The following LRRC4C variants were observed in gnomAD, a reference collection of about 807,000 sequenced individuals.
The protein encoded by LRRC4C is leucine-rich repeat-containing protein 4C.
LRRC4C carries 5 observed loss-of-function variants against 33.6 expected under a neutral mutation model. The observed-to-expected ratio is 0.15, with a 90% CI of 0.08 to 0.31. The LOEUF is 0.31. LRRC4C is among the 10% of genes least tolerant of loss of function. LRRC4C has a pLI of 1.00. For synonymous variants in LRRC4C, 329 were observed against 302.0 expected, an observed-to-expected ratio of 1.09 and a Z score of -0.93; for missense variants, 560 against 796.7, an observed-to-expected ratio of 0.70 and a Z score of 3.58.
At chr11:40,724,785 T>C (rs569393339) in intron 2 of LRRC4C, among the ~76,000 whole-genome samples, 3 of 151,920 alleles carry the variant, frequency 2.0e-5, no homozygotes, top group Non-Finnish European at 4.4e-5. Context: ...CAAAAAATCA[T>C]GCAAAGAACT....
At chr11:40,466,397 G>C (rs540083579) in intron 3 of LRRC4C, among the ~76,000 whole-genome samples, 36 of 151,818 alleles carry the variant, frequency 2.4e-4, no homozygotes, top group African/African-American at 8.7e-4. Context: ...TACTTCCCTC[G>C]TAACCCCTAA....
At chr11:40,916,440 C>T (rs148298584) in intron 2 of LRRC4C, among the ~76,000 whole-genome samples, 6,669 of 152,056 alleles carry the variant, frequency 0.044, 313 homozygotes, top group East Asian at 0.23. Flanking sequence ...AGCAAACTAT[C>T]GCAAGGACAA....
At chr11:40,687,988 CT>C (rs60274681) in intron 2 of LRRC4C, among the ~76,000 whole-genome samples, 62,901 of 149,382 alleles carry the variant, frequency 0.42, 14,683 homozygotes, top group East Asian at 0.58. Flanking sequence ...GCTTTACAGA[CT>C]TTTTTTTTTT....
Position 40,834,191 on chromosome 11 carries a change from T to G in LRRC4C, c.-407+99444A>C, listed in dbSNP as rs368784682. On this transcript the variant is annotated intron_variant, in intron 2 of 6. Transcript: ENST00000528697. ...TACTTAAAATGAATCTAAAAAGTTTTGGCCAGGTGCGGTGGCTCATGCCTG... is the reference window on the plus strand; with the variant it reads ...TACTTAAAATGAATCTAAAAAGTTTGGGCCAGGTGCGGTGGCTCATGCCTG... 1.8e-4 allele frequency among the ~76,000 whole-genome samples: 28 copies of G among 152,238 alleles called. No homozygotes were observed. In the South Asian group the frequency reaches 5.2e-3, roughly 28 times the overall value.
At chr11:41,248,604 C>G (rs549040066) in intron 1 of LRRC4C, among the ~76,000 whole-genome samples, 2 of 152,120 alleles carry the variant, frequency 1.3e-5, no homozygotes, top group African/African-American at 4.8e-5. Flanking sequence ...TGGAATATCA[C>G]AGGAACCACC....
intron 1 of LRRC4C, among the ~76,000 whole-genome samples, chr11:41,047,009 T>A (rs1280127548): frequency 6.6e-6 from 1 of 152,078 alleles, no homozygotes; most frequent in Non-Finnish European, 1.5e-5. Flanking sequence ...AAAAAATAAA[T>A]TAATTAGGCT....
chr11:41,030,130 G>GA (rs1245619641), intron 1 of LRRC4C, among the ~76,000 whole-genome samples: 2 of 151,880 alleles, frequency 1.3e-5, no homozygotes, highest in African/African-American at 4.8e-5. Flanking sequence ...AAGGCTGTAA[G>GA]AAAAAATATG....
chr11:40,950,795 T>C (rs1290092342), intron 1 of LRRC4C, among the ~76,000 whole-genome samples: 1 of 152,064 alleles, frequency 6.6e-6, no homozygotes, highest in Non-Finnish European at 1.5e-5. Flanking sequence ...AGTTTTTCTC[T>C]AGACACATTT....
At chr11:40,575,767 T>C (rs1958166247) in intron 3 of LRRC4C, among the ~76,000 whole-genome samples, 1 of 152,138 alleles carries the variant, frequency 6.6e-6, no homozygotes, top group Non-Finnish European at 1.5e-5. Context: ...ACAACAATAA[T>C]CATGAGAATG....
At chr11:41,296,919 C>T (rs1385222439) in intron 1 of LRRC4C, among the ~76,000 whole-genome samples, 1 of 152,116 alleles carries the variant, frequency 6.6e-6, no homozygotes, top group Non-Finnish European at 1.5e-5. Flanking sequence ...ATTCCTGAAG[C>T]TGCATACAAG....
chr11:41,293,640 A>G (rs965844347), intron 1 of LRRC4C, among the ~76,000 whole-genome samples: 12 of 151,772 alleles, frequency 7.9e-5, no homozygotes, highest in African/African-American at 2.9e-4. Context: ...CCTGTGGCCC[A>G]GGCTGGAGTA....
intron 2 of LRRC4C, among the ~76,000 whole-genome samples, chr11:40,771,666 A>C (rs1410535414): frequency 6.6e-6 from 1 of 152,100 alleles, no homozygotes; most frequent in Non-Finnish European, 1.5e-5. Flanking sequence ...CAGGTACCCA[A>C]AATTATCTCT....
Position 40,451,366 on chromosome 11 carries a change from C to CTTTTTTTTTTTT in LRRC4C, c.-269-131657_-269-131646dup, listed in dbSNP as rs71060962. On this transcript the variant is annotated intron_variant, in intron 3 of 6. Transcript: ENST00000528697. ...ACTATTAGCCTTACAGAAATAATGA[C>CTTTTTTTTTTTT]TTTTTTTTTTTTTTTTTTTTTTTTT... is the stretch of plus-strand genomic sequence containing the variant. 1.3e-4 allele frequency among the ~76,000 whole-genome samples: 6 copies of CTTTTTTTTTTTT among 47,088 alleles called. 2 individuals carry two copies. Among genetic ancestry groups the CTTTTTTTTTTTT allele is most frequent in the African/African-American group, 4.6e-4 (5 of 10,754 alleles). 30.9% of individuals were successfully genotyped at this position (47,088 alleles called of 152,430 possible). A position where few individuals can be genotyped will look rare whatever the true frequency, so the allele number is the denominator to read the frequency against.
At chr11:41,280,765 C>G (rs1949637350) in intron 1 of LRRC4C, among the ~76,000 whole-genome samples, 1 of 151,996 alleles carries the variant, frequency 6.6e-6, no homozygotes, top group Admixed American at 6.6e-5. Flanking sequence ...CCTATAAAAT[C>G]TATTTTGAAC....
intron 3 of LRRC4C, among the ~76,000 whole-genome samples, chr11:40,326,097 C>T (rs1946089163): frequency 6.6e-6 from 1 of 151,006 alleles, no homozygotes; most frequent in South Asian, 2.1e-4. Context: ...TTTTGTTGCA[C>T]TTAGGTTATA....
chr11:41,265,487 G>C (rs1399919428), intron 1 of LRRC4C, among the ~76,000 whole-genome samples: 1 of 152,036 alleles, frequency 6.6e-6, no homozygotes, highest in Non-Finnish European at 1.5e-5. Context: ...AACAGTCCTT[G>C]TGTAAATTAC....
At chr11:40,211,372 T>C (rs1489226822) in intron 5 of LRRC4C, among the ~76,000 whole-genome samples, 1 of 152,190 alleles carries the variant, frequency 6.6e-6, no homozygotes. Context: ...TCTCAGTTCT[T>C]TTTGAAAGCA....
chr11:40,584,348 CTAAA>C (rs1958613722), intron 3 of LRRC4C, among the ~76,000 whole-genome samples: 1 of 151,388 alleles, frequency 6.6e-6, no homozygotes, highest in Admixed American at 6.6e-5. Context: ...TCAGACATTA[CTAAA>C]TAGTTTTTGG....
chr11:40,907,209 C>G (rs917249927), intron 2 of LRRC4C, among the ~76,000 whole-genome samples: 1 of 152,184 alleles, frequency 6.6e-6, no homozygotes, highest in Admixed American at 6.6e-5. Flanking sequence ...TGTAGAATGT[C>G]TTTCTTTTTT....
Sources: gnomAD v4.1 joint callset for allele counts (sites outside exome capture counted in the v4.1 genomes callset) on GRCh38, gnomAD v4.1.1 for gene constraint, MANE v1.5 for transcripts, NCBI Gene and HGNC (gene_info 2026-07-23, HGNC 2026-07-21) for gene names.